The following RSPH4A variants were observed in gnomAD, a reference collection of about 807,000 sequenced individuals.
RSPH4A encodes radial spoke head protein 4 homolog A.
Under a neutral mutation model 71.0 loss-of-function variants are expected in RSPH4A, and 47 were observed. The ratio of observed to expected loss-of-function variants is 0.66; its 90% CI spans 0.52 to 0.84. RSPH4A has a LOEUF of 0.84. Ranked by LOEUF, RSPH4A falls within the 40% of genes least tolerant of loss-of-function variation. RSPH4A has a pLI of 0.00. For missense variants in RSPH4A, 793 were observed against 855.2 expected (o/e 0.93, Z 0.91); for synonymous variants, 282 against 302.3 (o/e 0.93, Z 0.70).
In RSPH4A at chr6:116,628,338, G is replaced by A. The variant is rs2115362674; in HGVS notation, c.1631G>A (p.Trp544Ter). The change falls in exon 3 of 6, where the codon TGG becomes TAG. Residue 544 changes from tryptophan to a stop codon, truncating the protein, a stop_gained. Coordinates refer to ENST00000229554, the MANE Select transcript of RSPH4A (RefSeq NM_001010892.3). LOFTEE classifies it high-confidence loss of function. ...VIDLVESLSN[W>*]VHHVQHILSQ... ...GATCTAGTAGAATCCCTATCCAATT[G>A]GGTTCATCATGTACAGCATATTCTC... 1 of 1,612,850 alleles carries A rather than the reference G, an allele frequency of 6.2e-7. No individual in the cohort carries two copies.
intron 2 of RSPH4A, 35 bp from the exon 3 acceptor site, chr6:116,627,594 T>C (rs776228362): frequency 3.0e-5 from 44 of 1,470,208 alleles, no homozygotes; most frequent in Non-Finnish European, 3.7e-5. Flanking sequence ...ATTTGTCTTA[T>C]TGATAAATTT....
chr6:116,632,602 A>G lies in RSPH4A; in HGVS notation c.*161A>G, dbSNP rs1775826060. 2 of 896,254 alleles carry G rather than the reference A, an allele frequency of 2.2e-6. No homozygotes were observed. The highest frequency in any genetic ancestry group is 3.3e-6 in the Non-Finnish European group (2 of 608,864). The allele number at this position is 896,254 out of a possible 1,614,324, so 55.5% of individuals were successfully genotyped here. On this transcript the variant is annotated 3_prime_UTR_variant, in exon 6 of 6. Transcript: ENST00000229554. ...TCTTGAAAATCAAGCTTGAAATTTC[A>G]TAGGTAGAAATATTAGCATTTTTAT...
In RSPH4A at chr6:116,632,433, T is replaced by C. The variant is rs1435760834; in HGVS notation, c.2143T>C (p.Tyr715His). The C allele has an allele frequency of 6.2e-7, 1 of 1,611,982 alleles. No individual in the cohort carries two copies. Among genetic ancestry groups the C allele is most frequent in the South Asian group, 1.1e-5 (1 of 90,486 alleles). ...SEEDEDEEDD[Y>H]D is the part of the protein sequence containing the mutation. ...GGAAGATGAAGATGAGGAAGATGAT[T>C]ATGACTAATAAACATAAAATTAGCC... Residue 715 changes from tyrosine (Y) to histidine (H), a missense_variant, in exon 6 of 6, where the codon TAT becomes CAT. Tyr to His is a moderately conservative substitution (Grantham distance 83, BLOSUM62 2). Transcript: ENST00000229554.
chr6:116,623,014 C>A lies in RSPH4A; in HGVS notation c.921+12C>A. The A allele has an allele frequency of 6.8e-7, 1 of 1,472,878 alleles. No individual in the cohort carries two copies. Among genetic ancestry groups the A allele is most frequent in the African/African-American group, 1.4e-5 (1 of 72,224 alleles). The allele number at this position is 1,472,878 out of a possible 1,614,324, so 91.2% of individuals were successfully genotyped here. A position where few individuals can be genotyped will look rare whatever the true frequency, so the allele number is the denominator to read the frequency against. ...TGGAAGATGAAATAGTAAGTCACTA[C>A]TACAAATTTTAATAATAAACCTTAG... On this transcript the variant is annotated intron_variant, in intron 2 of 5. Transcript: ENST00000229554.
chr6:116,620,805 G>C (rs1196299665), intron 1 of RSPH4A, among the ~76,000 whole-genome samples: 1 of 152,150 alleles, frequency 6.6e-6, no homozygotes, highest in Non-Finnish European at 1.5e-5. Context: ...TATTAATCCA[G>C]CTATTGCCCG....
chr6:116,628,117 C>A lies in RSPH4A; in HGVS notation c.1410C>A (p.Ile470=), dbSNP rs775326896. 3 of 1,614,186 alleles carry A rather than the reference C, an allele frequency of 1.9e-6. No homozygotes were observed. Among genetic ancestry groups the A allele is most frequent in the Non-Finnish European group, 2.5e-6 (3 of 1,180,040 alleles). Reference sequence around the variant, plus strand: ...TCACTGGGCGATTGGATGCTCCCATCATAAGCTACCCACCTTTCCCAGGAA... The same window carrying A: ...TCACTGGGCGATTGGATGCTCCCATAATAAGCTACCCACCTTTCCCAGGAA... ...KFFTGRLDAP[I]ISYPPFPGNE... is the part of the protein sequence containing the mutation. Residue 470 remains isoleucine, a synonymous_variant, in exon 3 of 6, where the codon ATC becomes ATA. Transcript: ENST00000229554.
chr6:116,631,045 A>G (rs1484362862), intron 5 of RSPH4A, among the ~76,000 whole-genome samples: 1 of 151,892 alleles, frequency 6.6e-6, no homozygotes, highest in Non-Finnish European at 1.5e-5. Flanking sequence ...CATAAAATTT[A>G]TTAAAATAAC....
In RSPH4A at chr6:116,623,155, A is replaced by G. The variant is rs555117182; in HGVS notation, c.921+153A>G. 1.9e-4 allele frequency among the ~76,000 whole-genome samples: 28 copies of G among 150,572 alleles called. No individual in the cohort carries two copies. In the South Asian group the frequency reaches 5.8e-3, roughly 31 times the overall value. ...GACAGGCTCCCAGGCTTGGAGTACA[A>G]TGGCGTGATCTTGGCTCACTGCAGC... is the stretch of plus-strand genomic sequence containing the variant. On this transcript the variant is annotated intron_variant, in intron 2 of 5. Transcript: ENST00000229554.
At chr6:116,622,561 T>C (rs1775626959) in intron 1 of RSPH4A, among the ~76,000 whole-genome samples, 6 of 152,196 alleles carry the variant, frequency 3.9e-5, no homozygotes, top group Admixed American at 3.9e-4. Flanking sequence ...CTTCAAGTTA[T>C]TGAAGTTCCT....
chr6:116,617,954 T>A (rs1412299505), intron 1 of RSPH4A, among the ~76,000 whole-genome samples: 2 of 149,036 alleles, frequency 1.3e-5, no homozygotes, highest in Non-Finnish European at 3.0e-5. Context: ...ACTTATGACA[T>A]GTATAGATTT....
Position 116,622,827 on chromosome 6 carries a change from T to A in RSPH4A, c.746T>A (p.Val249Asp). Residue 249 changes from valine to aspartate, a missense_variant, in exon 2 of 6, where the codon GTT becomes GAT. Transcript: ENST00000229554. ...KILNERPENA[V>D]DIFENISQDV... Reference sequence around the variant, plus strand: ...TTAAATGAGCGTCCTGAAAATGCTGTTGACATCTTTGAAAATATTAGCCAA... The same window carrying A: ...TTAAATGAGCGTCCTGAAAATGCTGATGACATCTTTGAAAATATTAGCCAA... 6.2e-7 allele frequency: 1 copy of A among 1,613,514 alleles called. No individual in the cohort carries two copies. Among genetic ancestry groups the A allele is most frequent in the South Asian group, 1.1e-5 (1 of 91,068 alleles).
chr6:116,616,825 A>G lies in RSPH4A; in HGVS notation c.202A>G (p.Lys68Glu), dbSNP rs1471373083. The G allele has an allele frequency of 6.2e-7, 1 of 1,613,956 alleles. No homozygotes were observed. The highest frequency in any genetic ancestry group is 8.5e-7 in the Non-Finnish European group (1 of 1,179,978). ...TCCTTGGAGCCCGCAGTCTAGAGCC[A>G]AGACGCCTCTGGGTGGCCCCGCGGG... Reference protein sequence around the residue: ...SRPWSPQSRAKTPLGGPAGPE... With the variant: ...SRPWSPQSRAETPLGGPAGPE... Residue 68 changes from lysine to glutamate, a missense_variant, in exon 1 of 6, where the codon AAG becomes GAG. Coordinates refer to ENST00000229554, the MANE Select transcript of RSPH4A (RefSeq NM_001010892.3).
chr6:116,623,463 A>G (rs1045237077), intron 2 of RSPH4A, among the ~76,000 whole-genome samples: 1 of 152,084 alleles, frequency 6.6e-6, no homozygotes, highest in Admixed American at 6.5e-5. Context: ...CTCTTTTCAC[A>G]CTACTCATTT....
At position 116,628,440 on chromosome 6, in the gene RSPH4A, C is replaced by T. The variant is rs150384111; in HGVS notation, c.1662+71C>T. 6.3e-5 allele frequency: 75 copies of T among 1,199,640 alleles called. 1 individual carries two copies. The African/African-American group carries it at 1.0e-3, about 16-fold the overall frequency. 74.3% of individuals were successfully genotyped at this position (1,199,640 alleles called of 1,614,324 possible). On this transcript the variant is annotated intron_variant, in intron 3 of 5. Coordinates refer to ENST00000229554, the MANE Select transcript of RSPH4A (RefSeq NM_001010892.3). ...TTCATTAAATGGTCACTATAATGCA[C>T]AAAGACATACAAAATAAAGGCCTTT...
At position 116,625,157 on chromosome 6, in the gene RSPH4A, A is replaced by G. The variant is rs1775674722; in HGVS notation, c.921+2155A>G. Among the ~76,000 whole-genome samples, 8 of 152,322 alleles carry G rather than the reference A, an allele frequency of 5.3e-5. No individual in the cohort carries two copies. In the South Asian group the frequency reaches 1.7e-3, roughly 32 times the overall value. On this transcript the variant is annotated intron_variant, in intron 2 of 5. Coordinates refer to ENST00000229554, the MANE Select transcript of RSPH4A (RefSeq NM_001010892.3). ...TTATAATAGGAACTTAATAATAGCA[A>G]TTGTTATTATATTCTTTTGACAACA...
In RSPH4A at chr6:116,623,004, T is replaced by C. The variant is rs1406268554; in HGVS notation, c.921+2T>C. 7.1e-6 allele frequency: 11 copies of C among 1,541,764 alleles called. No individual in the cohort carries two copies. Among genetic ancestry groups the C allele is most frequent in the Non-Finnish European group, 9.0e-6 (10 of 1,114,272 alleles). On this transcript the variant is annotated splice_donor_variant, in intron 2 of 5. Coordinates refer to ENST00000229554, the MANE Select transcript of RSPH4A (RefSeq NM_001010892.3). LOFTEE classifies it high-confidence loss of function. ...GACCAAGAATTGGAAGATGAAATAG[T>C]AAGTCACTACTACAAATTTTAATAA...
chr6:116,630,850 T>TTTTA (rs1261832183), intron 5 of RSPH4A, among the ~76,000 whole-genome samples: 1 of 137,214 alleles, frequency 7.3e-6, no homozygotes, highest in Non-Finnish European at 1.6e-5. Flanking sequence ...TTTTTGTATT[T>TTTTA]TTTTTTTTTT....
At chr6:116,621,674 G>A (rs1350712842) in intron 1 of RSPH4A, among the ~76,000 whole-genome samples, 1 of 152,146 alleles carries the variant, frequency 6.6e-6, no homozygotes. Context: ...ATTATTTTTT[G>A]AGAGAAATTA....
At position 116,632,245 on chromosome 6, in the gene RSPH4A, A is replaced by G. The variant is rs1292933256; in HGVS notation, c.1955A>G (p.Tyr652Cys). Residue 652 changes from tyrosine to cysteine, a missense_variant, in exon 6 of 6, where the codon TAT becomes TGT. By Grantham distance (194) the Tyr-to-Cys change is radical. Coordinates refer to ENST00000229554, the MANE Select transcript of RSPH4A (RefSeq NM_001010892.3). Reference sequence around the variant, plus strand: ...TTCTACATAGGCTGGGGTCATAAGTATAGTCCAGACAATTATACACCCCCA... The same window carrying G: ...TTCTACATAGGCTGGGGTCATAAGTGTAGTCCAGACAATTATACACCCCCA... ...ENFYIGWGHKYSPDNYTPPVP... is the reference protein window; with the variant it reads ...ENFYIGWGHKCSPDNYTPPVP... 9.9e-6 allele frequency: 16 copies of G among 1,611,848 alleles called. No individual in the cohort carries two copies. The Admixed American group carries it at 2.7e-4, about 27-fold the overall frequency.
Sources: gnomAD v4.1 joint callset for allele counts (sites outside exome capture counted in the v4.1 genomes callset) on GRCh38, gnomAD v4.1.1 for gene constraint, MANE v1.5 for transcripts, NCBI Gene and HGNC (gene_info 2026-07-23, HGNC 2026-07-21) for gene names.